Variants in ADAMTSL1 observed in about 807,000 individuals in gnomAD.
The protein encoded by ADAMTSL1 is ADAMTS like 1, also known as ADAMTS-like protein 1.
ADAMTSL1 carries 126 observed loss-of-function variants against 201.8 expected under a neutral mutation model. The observed-to-expected ratio is 0.62, with a 90% confidence interval of 0.54 to 0.72. The LOEUF is 0.72. Among genes scored for constraint, ADAMTSL1 ranks in the 30% least tolerant of loss-of-function variants. The pLI is 0.00. For synonymous variants in ADAMTSL1, 1,121 were observed against 903.4 expected, an observed-to-expected ratio of 1.24 and a Z score of -4.32; for missense variants, 2,679 against 2,277.8, an observed-to-expected ratio of 1.18 and a Z score of -3.59.
chr9:18,210,543 C>T (rs1829831830), intron 2 of ADAMTSL1, among the ~76,000 whole-genome samples: 1 of 145,938 alleles, frequency 6.9e-6, no homozygotes, highest in African/African-American at 2.5e-5. Context: ...ATTAATATTA[C>T]CAGGAATGCT....
intron 10 of ADAMTSL1, among the ~76,000 whole-genome samples, chr9:18,676,776 A>T (rs1387738638): frequency 6.6e-6 from 1 of 152,116 alleles, no homozygotes; most frequent in East Asian, 1.9e-4. Context: ...AGTAATCCAC[A>T]GCAGCCTGCT....
chr9:18,667,048 C>A (rs1829483468), intron 9 of ADAMTSL1, among the ~76,000 whole-genome samples: 1 of 149,636 alleles, frequency 6.7e-6, no homozygotes, highest in African/African-American at 2.5e-5. Context: ...GAAAAAAGAT[C>A]TCACTCATCA....
chr9:18,845,875 C>A (rs1413334899), intron 23 of ADAMTSL1, among the ~76,000 whole-genome samples: 1 of 152,186 alleles, frequency 6.6e-6, no homozygotes, highest in Non-Finnish European at 1.5e-5. Flanking sequence ...GCAGAGCTCA[C>A]AGTGTTCACA....
At chr9:18,446,754 A>G (rs1657335662) in intron 2 of ADAMTSL1, among the ~76,000 whole-genome samples, 1 of 152,250 alleles carries the variant, frequency 6.6e-6, no homozygotes, top group African/African-American at 2.4e-5. Context: ...TACCTATGTC[A>G]TCTAAAAAAT....
At chr9:18,380,002 G>A (rs1020226332) in intron 2 of ADAMTSL1, among the ~76,000 whole-genome samples, 29 of 152,046 alleles carry the variant, frequency 1.9e-4, no homozygotes, top group African/African-American at 6.5e-4. Flanking sequence ...AGTAGCCAGG[G>A]GCTGTTAAAA....
At chr9:18,809,542 C>T (rs143167165) in intron 20 of ADAMTSL1, among the ~76,000 whole-genome samples, 1 of 152,304 alleles carries the variant, frequency 6.6e-6, no homozygotes, top group Admixed American at 6.5e-5. Context: ...GTAATCCCAG[C>T]ACTTTGGGAG....
At chr9:18,437,605 C>G (rs928110504) in intron 2 of ADAMTSL1, among the ~76,000 whole-genome samples, 2 of 152,124 alleles carry the variant, frequency 1.3e-5, no homozygotes, top group African/African-American at 2.4e-5. Context: ...TTCTAGCTAA[C>G]TGGCTTTCTA....
At position 18,359,834 on chromosome 9, in the gene ADAMTSL1, C is replaced by T. The variant is rs867595493; in HGVS notation, c.208-144995C>T. Among the ~76,000 whole-genome samples the T allele has an allele frequency of 2.9e-4, 34 of 116,996 alleles. 4 individuals carry two copies. Among genetic ancestry groups the T allele is most frequent in the South Asian group, 2.5e-3 (6 of 2,408 alleles). 76.8% of individuals were successfully genotyped at this position (116,996 alleles called of 152,430 possible). A position where few individuals can be genotyped will look rare whatever the true frequency, so the allele number is the denominator to read the frequency against. ...TGCCCCACCTCCCCACCCGCCCCCC[C>T]GCCCACACAAAATGCCCCACCCCTG... On this transcript the variant is annotated intron_variant, in intron 2 of 29. Transcript: ENST00000680146.
intron 2 of ADAMTSL1, among the ~76,000 whole-genome samples, chr9:18,415,460 A>G (rs1324436926): frequency 6.6e-6 from 1 of 152,206 alleles, no homozygotes; most frequent in African/African-American, 2.4e-5. Context: ...GGAAGAAAAT[A>G]ATAGTCAACT....
intron 1 of ADAMTSL1, among the ~76,000 whole-genome samples, chr9:18,133,287 C>G (rs750768693): frequency 6.6e-6 from 1 of 152,056 alleles, no homozygotes; most frequent in Non-Finnish European, 1.5e-5. Flanking sequence ...GTAGTAAGAT[C>G]GGCAGTGAGG....
intron 2 of ADAMTSL1, among the ~76,000 whole-genome samples, chr9:18,314,782 C>CTTTTTTTTTTTTTTTTTT: frequency 4.0e-5 from 2 of 49,852 alleles, no homozygotes; most frequent in South Asian, 1.1e-3. Flanking sequence ...CGGCAGCGTG[C>CTTTTTTTTTTTTTTTTTT]TTTTTTTTTT....
intron 1 of ADAMTSL1, among the ~76,000 whole-genome samples, chr9:17,971,245 T>C (rs556456388): frequency 3.6e-4 from 55 of 152,136 alleles, no homozygotes; most frequent in Middle Eastern, 3.4e-3. Flanking sequence ...CCTTTGAACA[T>C]TGAAACCAAC....
At chr9:18,422,646 T>C (rs1280368326) in intron 2 of ADAMTSL1, among the ~76,000 whole-genome samples, 1 of 152,174 alleles carries the variant, frequency 6.6e-6, no homozygotes, top group African/African-American at 2.4e-5. Flanking sequence ...ATGCCTTTTC[T>C]AGTTTTCACA....
chr9:18,707,908 C>T (rs1404202341), intron 14 of ADAMTSL1, among the ~76,000 whole-genome samples: 2 of 152,196 alleles, frequency 1.3e-5, no homozygotes, highest in African/African-American at 4.8e-5. Flanking sequence ...ACAACTGATT[C>T]TTCAAGATTA....
At chr9:18,212,254 C>G (rs558976133) in intron 2 of ADAMTSL1, among the ~76,000 whole-genome samples, 2 of 152,238 alleles carry the variant, frequency 1.3e-5, no homozygotes, top group South Asian at 2.1e-4. Flanking sequence ...ACAGCAAACT[C>G]AAAGTCTCTG....
chr9:18,008,129 A>T (rs73643489), intron 1 of ADAMTSL1, among the ~76,000 whole-genome samples: 11,630 of 152,068 alleles, frequency 0.076, 601 homozygotes, highest in South Asian at 0.16. Context: ...TTTTAAAATA[A>T]TCTTAGATGT....
intron 1 of ADAMTSL1, among the ~76,000 whole-genome samples, chr9:18,133,515 G>T (rs1425669885): frequency 6.6e-6 from 1 of 152,148 alleles, no homozygotes; most frequent in Non-Finnish European, 1.5e-5. Context: ...GTGATTTTCA[G>T]TCCTGGCTGC....
intron 1 of ADAMTSL1, among the ~76,000 whole-genome samples, chr9:17,981,440 A>G (rs986942797): frequency 4.6e-5 from 7 of 152,180 alleles, no homozygotes; most frequent in African/African-American, 1.7e-4. Flanking sequence ...TAAAGTCACT[A>G]CAGGTCTCTT....
intron 23 of ADAMTSL1, among the ~76,000 whole-genome samples, chr9:18,863,267 C>G (rs7039426): frequency 0.012 from 1,811 of 152,256 alleles, 48 homozygotes; most frequent in African/African-American, 0.042. Context: ...AGGCCTTAAT[C>G]AAGTCATAAA....
Sources: gnomAD v4.1 joint callset for allele counts (sites outside exome capture counted in the v4.1 genomes callset) on GRCh38, gnomAD v4.1.1 for gene constraint, MANE v1.5 for transcripts, NCBI Gene and HGNC (gene_info 2026-07-23, HGNC 2026-07-21) for gene names.